The following PRKAR2A variants were observed in gnomAD, a reference collection of about 807,000 sequenced individuals.
PRKAR2A encodes cAMP-dependent protein kinase type II-alpha regulatory subunit.
PRKAR2A carries 29 observed loss-of-function variants against 51.9 expected under a neutral mutation model. The ratio of observed to expected loss-of-function variants is 0.56; its 90% CI spans 0.42 to 0.76. The LOEUF is 0.76. Ranked by LOEUF, PRKAR2A falls within the 30% of genes least tolerant of loss-of-function variation. The pLI is 0.00. For synonymous variants in PRKAR2A, 178 were observed against 186.2 expected, an observed-to-expected ratio of 0.96 and a Z score of 0.36; for missense variants, 445 against 512.1, an observed-to-expected ratio of 0.87 and a Z score of 1.26.
intron 4 of PRKAR2A, among the ~76,000 whole-genome samples, chr3:48,789,725 G>A (rs1044028895): frequency 1.3e-5 from 2 of 151,584 alleles, no homozygotes; most frequent in African/African-American, 4.8e-5. Flanking sequence ...CACCCACCTC[G>A]GCCTCCCAGA....
rs527913391 is a variant in PRKAR2A at position 48,793,405 on chromosome 3, G to A, written c.351+592C>T. On this transcript the variant is annotated intron_variant, in intron 3 of 10. Coordinates refer to ENST00000265563, the MANE Select transcript of PRKAR2A (RefSeq NM_004157.4). The stretch of plus-strand genomic sequence containing the variant: ...CTTTAGGTAAATGCTAAATCAGTTG[G>A]CCTGACTGTAAGTATTTAAGGCTTG... Among the ~76,000 whole-genome samples the A allele has an allele frequency of 3.2e-4, 48 of 152,168 alleles. 1 individual carries two copies. Among genetic ancestry groups the A allele is most frequent in the Admixed American group, 2.5e-3 (38 of 15,266 alleles).
intron 1 of PRKAR2A, among the ~76,000 whole-genome samples, chr3:48,828,096 G>A (rs2083099174): frequency 6.6e-6 from 1 of 152,128 alleles, no homozygotes; most frequent in African/African-American, 2.4e-5. Flanking sequence ...GAACTCCTGA[G>A]CTCAGGCGAT....
intron 1 of PRKAR2A, among the ~76,000 whole-genome samples, chr3:48,829,395 T>A (rs2083129449): frequency 6.6e-6 from 1 of 151,186 alleles, no homozygotes; most frequent in Non-Finnish European, 1.5e-5. Context: ...GGCACGAACC[T>A]GTAGTCCCAG....
chr3:48,757,511 A>G lies in PRKAR2A; in HGVS notation c.874-1067T>C, dbSNP rs180975641. On this transcript the variant is annotated intron_variant, in intron 8 of 10. Transcript: ENST00000265563. ...ATAAATGGAATCATATATTTTTTGTATCTGGCTTATTTTAGTCCATATTGT... is the reference window on the plus strand; with the variant it reads ...ATAAATGGAATCATATATTTTTTGTGTCTGGCTTATTTTAGTCCATATTGT... Among the ~76,000 whole-genome samples the G allele has an allele frequency of 2.7e-3, 408 of 152,326 alleles. 3 individuals are homozygous for G. The highest frequency in any genetic ancestry group is 3.5e-3 in the Non-Finnish European group (241 of 68,024).
In PRKAR2A at chr3:48,765,056, A is replaced by T. The variant is rs1157459209; in HGVS notation, c.821T>A (p.Val274Glu). The change falls in exon 8 of 11, where the codon GTG becomes GAG. Residue 274 changes from valine to glutamate, a missense_variant. Coordinates refer to ENST00000265563, the MANE Select transcript of PRKAR2A (RefSeq NM_004157.4). The stretch of plus-strand genomic sequence containing the variant: ...ATAGATCTTCTCTCCTATTACATCC[A>T]CAATCTTCATTCGTTCTGACACCTG... ...SLEVSERMKI[V>E]DVIGEKIYKD... 1 of 1,614,192 alleles carries T rather than the reference A, an allele frequency of 6.2e-7. No homozygotes were observed. Among genetic ancestry groups the T allele is most frequent in the Admixed American group, 1.7e-5 (1 of 60,024 alleles).
intron 1 of PRKAR2A, among the ~76,000 whole-genome samples, chr3:48,834,934 T>C (rs2083256023): frequency 6.6e-6 from 1 of 150,422 alleles, no homozygotes. Flanking sequence ...ACTCACAAAT[T>C]CCCAGCACTT....
At chr3:48,756,318 TA>T (rs2107204158) in intron 9 of PRKAR2A, 60 bp downstream of exon 9, 2 of 1,433,248 alleles carry the variant, frequency 1.4e-6, no homozygotes, top group East Asian at 4.5e-5. Context: ...CACTTCACAT[TA>T]TTTAAAACAA....
chr3:48,754,971 A>G (rs2081735480), intron 9 of PRKAR2A, among the ~76,000 whole-genome samples: 1 of 145,474 alleles, frequency 6.9e-6, no homozygotes, highest in Admixed American at 6.8e-5. Context: ...AGACAGTAAT[A>G]TTCTTCTTTT....
chr3:48,808,987 GCCAGACTGGT>G (rs1340325433), intron 1 of PRKAR2A, among the ~76,000 whole-genome samples: 5 of 146,646 alleles, frequency 3.4e-5, no homozygotes, highest in Admixed American at 2.1e-4. Context: ...TGCCACATTG[GCCAGACTGGT>G]CATGAACTCC....
chr3:48,800,373 C>T (rs1034077491), intron 2 of PRKAR2A, among the ~76,000 whole-genome samples: 2 of 150,922 alleles, frequency 1.3e-5, no homozygotes, highest in African/African-American at 4.9e-5. Flanking sequence ...ATTAGCCAGG[C>T]GTGGTGGTGC....
intron 2 of PRKAR2A, among the ~76,000 whole-genome samples, chr3:48,801,328 T>C (rs1363935334): frequency 6.6e-6 from 1 of 152,068 alleles, no homozygotes; most frequent in Non-Finnish European, 1.5e-5. Flanking sequence ...AAATTTTGTA[T>C]TTTTAGTCAA....
chr3:48,829,812 T>TATATATAC (rs2083150600), intron 1 of PRKAR2A, among the ~76,000 whole-genome samples: 1 of 137,498 alleles, frequency 7.3e-6, no homozygotes, highest in Non-Finnish European at 1.6e-5. Flanking sequence ...TATACATATA[T>TATATATAC]ATGTATGTAT....
At chr3:48,827,521 A>G (rs1367712420) in intron 1 of PRKAR2A, among the ~76,000 whole-genome samples, 1 of 152,226 alleles carries the variant, frequency 6.6e-6, no homozygotes, top group Non-Finnish European at 1.5e-5. Flanking sequence ...CAAACATTAC[A>G]GAGTGTACTT....
At chr3:48,795,411 CATAATTAG>C (rs1252069298) in intron 2 of PRKAR2A, among the ~76,000 whole-genome samples, 2 of 152,084 alleles carry the variant, frequency 1.3e-5, no homozygotes, top group South Asian at 2.1e-4. Flanking sequence ...GGGGTGATAA[CATAATTAG>C]AGAAGGAAAG....
chr3:48,807,036 A>C (rs932178420), intron 2 of PRKAR2A, among the ~76,000 whole-genome samples: 23 of 152,118 alleles, frequency 1.5e-4, no homozygotes, highest in African/African-American at 5.6e-4. Flanking sequence ...CTCCCAAAGT[A>C]CTGGGATTAT....
chr3:48,827,915 C>A (rs999657999), intron 1 of PRKAR2A, among the ~76,000 whole-genome samples: 1 of 151,830 alleles, frequency 6.6e-6, no homozygotes, highest in African/African-American at 2.4e-5. Flanking sequence ...AGGCTGGAGT[C>A]CAATCATGGT....
At position 48,756,366 on chromosome 3, in the gene PRKAR2A, C is replaced by T; in HGVS notation, c.939+13G>A. On this transcript the variant is annotated intron_variant, in intron 9 of 10. Coordinates refer to ENST00000265563, the MANE Select transcript of PRKAR2A (RefSeq NM_004157.4). ...TTGTGTGTACACCATCACATATAAA[C>T]TGATAAACTCACCCTGCTTCTAATC... 1 of 1,607,530 alleles carries T rather than the reference C, an allele frequency of 6.2e-7. No homozygotes were observed. The highest frequency in any genetic ancestry group is 8.5e-7 in the Non-Finnish European group (1 of 1,174,294).
intron 4 of PRKAR2A, among the ~76,000 whole-genome samples, chr3:48,785,878 G>A (rs745972216): frequency 6.6e-6 from 1 of 152,120 alleles, no homozygotes; most frequent in African/African-American, 2.4e-5. Context: ...CAACTGGCCA[G>A]TCTAAGTAAA....
chr3:48,800,028 T>C (rs1399923214), intron 2 of PRKAR2A, among the ~76,000 whole-genome samples: 1 of 151,782 alleles, frequency 6.6e-6, no homozygotes, highest in Admixed American at 6.6e-5. Context: ...CTCAGTGAAT[T>C]TTTGTATTTT....
Sources: allele counts gnomAD v4.1 joint callset (sites outside exome capture counted in the v4.1 genomes callset), GRCh38; gene constraint gnomAD v4.1.1; transcripts MANE v1.5; gene names NCBI Gene and HGNC (gene_info 2026-07-23, HGNC 2026-07-21).